Variants in MIGA1 observed in about 807,000 individuals in gnomAD.
The protein encoded by MIGA1 is family with sequence similarity 73, member A.
Under a neutral mutation model 82.0 loss-of-function variants are expected in MIGA1, and 58 were observed. The observed-to-expected ratio is 0.71, with a 90% CI of 0.57 to 0.88. The LOEUF (loss-of-function observed/expected upper bound fraction) is 0.88. Among genes scored for constraint, MIGA1 ranks in the 40% least tolerant of loss-of-function variants. MIGA1 has a pLI of 0.00. For synonymous variants in MIGA1, 249 were observed against 253.6 expected (o/e 0.98, Z 0.17); for missense variants, 751 against 749.1 (o/e 1.00, Z -0.03).
chr1:77,787,824 T>C (rs1212991872), intron 2 of MIGA1, among the ~76,000 whole-genome samples: 5 of 151,080 alleles, frequency 3.3e-5, no homozygotes, highest in Non-Finnish European at 5.9e-5. Context: ...TTTTCTTTTT[T>C]TTTTTTTTTG....
At chr1:77,782,943 A>T in intron 1 of MIGA1, 1 of 871,678 alleles carries the variant, frequency 1.1e-6, no homozygotes, top group Non-Finnish European at 1.4e-6. Context: ...GAAAAGAGAG[A>T]ATCTAGAACT....
rs1476152553 is a variant in MIGA1, at chr1:77,877,091, G to C, written c.*2027G>C. 1 of 152,120 alleles carries C rather than the reference G, an allele frequency of 6.6e-6. No individual in the cohort carries two copies. Among genetic ancestry groups the C allele is most frequent in the Non-Finnish European group, 1.5e-5 (1 of 68,024 alleles). 9.4% of individuals were successfully genotyped at this position (152,120 alleles called of 1,614,324 possible). A position where few individuals can be genotyped will look rare whatever the true frequency, so the allele number is the denominator to read the frequency against. On this transcript the variant is annotated 3_prime_UTR_variant, in exon 16 of 16. Transcript: ENST00000370791. Reference sequence around the variant, plus strand: ...GTGCTATCATACATAGCTCACTGCAGTCTCCAACTCCTCATACCAGAGGCA... The same window carrying C: ...GTGCTATCATACATAGCTCACTGCACTCTCCAACTCCTCATACCAGAGGCA...
At chr1:77,848,994 TA>T (rs2101904952) in intron 8 of MIGA1, among the ~76,000 whole-genome samples, 1 of 152,326 alleles carries the variant, frequency 6.6e-6, no homozygotes, top group South Asian at 2.1e-4. Context: ...TGGCTGAATT[TA>T]TATAGAGTAT....
intron 5 of MIGA1, among the ~76,000 whole-genome samples, chr1:77,813,013 C>T (rs1191845778): frequency 1.3e-5 from 2 of 152,110 alleles, no homozygotes; most frequent in Non-Finnish European, 2.9e-5. Context: ...CAGAGTCTTG[C>T]TCTGTCACCT....
chr1:77,828,732 G>T (rs926504373), intron 7 of MIGA1, among the ~76,000 whole-genome samples: 1 of 152,170 alleles, frequency 6.6e-6, no homozygotes, highest in Admixed American at 6.5e-5. Flanking sequence ...GAGTGCAGTG[G>T]TGTGACCATA....
chr1:77,841,476 A>G (rs1183858064), intron 7 of MIGA1, among the ~76,000 whole-genome samples: 2 of 150,458 alleles, frequency 1.3e-5, no homozygotes, highest in African/African-American at 2.4e-5. Context: ...GGAATTCTAT[A>G]CTAGGAATTA....
chr1:77,868,774 T>G lies in MIGA1; in HGVS notation c.1563+2383T>G, dbSNP rs561813429. 3 of 152,336 alleles carry G rather than the reference T, an allele frequency of 2.0e-5. No homozygotes were observed. The East Asian group carries it at 5.8e-4, about 29-fold the overall frequency. 9.4% of individuals were successfully genotyped at this position (152,336 alleles called of 1,614,324 possible). On this transcript the variant is annotated intron_variant, in intron 14 of 15. Transcript: ENST00000370791. ...TTTACTATATGTAGAACATACTTTT[T>G]GGCCCTCACTAACTAGCTGTGTGTG...
intron 13 of MIGA1, 102 bp downstream of exon 13, chr1:77,864,130 G>A: frequency 8.1e-7 from 1 of 1,235,528 alleles, no homozygotes; most frequent in Non-Finnish European, 1.1e-6. Flanking sequence ...GGAGGCCAAG[G>A]CAGGCGGATC....
At chr1:77,785,715 C>G (rs2101687207) in intron 2 of MIGA1, among the ~76,000 whole-genome samples, 1 of 152,326 alleles carries the variant, frequency 6.6e-6, no homozygotes, top group East Asian at 1.9e-4. Flanking sequence ...CATGCTGATG[C>G]AAGAGGTGGG....
In MIGA1 at chr1:77,878,955, C is replaced by T. The variant is rs1468929242; in HGVS notation, c.*3891C>T. The T allele has an allele frequency of 9.5e-6, 3 of 314,186 alleles. No individual in the cohort carries two copies. Among genetic ancestry groups the T allele is most frequent in the Non-Finnish European group, 1.7e-5 (3 of 172,378 alleles). The allele number at this position is 314,186 out of a possible 1,614,324, so 19.5% of individuals were successfully genotyped here. A position where few individuals can be genotyped will look rare whatever the true frequency, so the allele number is the denominator to read the frequency against. On this transcript the variant is annotated 3_prime_UTR_variant, in exon 16 of 16. Transcript: ENST00000370791. ...AAAATATTTACAAATGTTTTCTTGC[C>T]TTAAAATGTAACATTTTCTACTTAA...
intron 8 of MIGA1, among the ~76,000 whole-genome samples, chr1:77,849,459 G>A (rs931610079): frequency 8.5e-5 from 13 of 152,160 alleles, no homozygotes; most frequent in African/African-American, 2.6e-4. Context: ...TGTTGCACGA[G>A]CTGTTTGTTT....
chr1:77,779,802 C>A, intron 1 of MIGA1, 66 bp downstream of exon 1: 4 of 1,496,866 alleles, frequency 2.7e-6, no homozygotes, highest in East Asian at 2.5e-5. Flanking sequence ...TGAGCGGCCA[C>A]GCAGTTGGGG....
chr1:77,804,802 G>C (rs1027065627), intron 4 of MIGA1, among the ~76,000 whole-genome samples: 2 of 151,074 alleles, frequency 1.3e-5, no homozygotes, highest in African/African-American at 4.9e-5. Context: ...GGTAGTTTTT[G>C]TGTTTTTAGT....
intron 8 of MIGA1, among the ~76,000 whole-genome samples, chr1:77,846,445 A>G (rs913428192): frequency 1.3e-5 from 2 of 151,988 alleles, no homozygotes; most frequent in African/African-American, 4.8e-5. Context: ...GCAATTGTGT[A>G]TATGTATTTA....
chr1:77,869,810 G>A (rs1451624359), intron 14 of MIGA1, among the ~76,000 whole-genome samples: 4 of 110,390 alleles, frequency 3.6e-5, no homozygotes, highest in South Asian at 6.8e-4. Context: ...CAGTAGGGGC[G>A]GCCGGGCAGA....
chr1:77,818,338 G>T (rs184669136), intron 7 of MIGA1, among the ~76,000 whole-genome samples: 1 of 151,994 alleles, frequency 6.6e-6, no homozygotes, highest in Non-Finnish European at 1.5e-5. Context: ...GGTCAGGCTG[G>T]TCTCGAACTC....
At chr1:77,874,600 A>T (rs1235526416) in intron 15 of MIGA1, among the ~76,000 whole-genome samples, 1 of 151,932 alleles carries the variant, frequency 6.6e-6, no homozygotes, top group African/African-American at 2.4e-5. Flanking sequence ...TTTTTTGATC[A>T]TCATGTCATC....
chr1:77,813,849 T>G lies in MIGA1; in HGVS notation c.753T>G (p.Ile251Met). The G allele has an allele frequency of 6.2e-7, 1 of 1,614,176 alleles. No individual in the cohort carries two copies. Residue 251 changes from isoleucine (I) to methionine (M), a missense_variant, in exon 6 of 16, where the codon ATT (isoleucine) becomes ATG (methionine). Ile to Met is a conservative substitution (Grantham distance 10). This residue lies in a region of MIGA1 where 482 missense variants were observed against 439.4 expected (regional missense o/e 1.10). Transcript: ENST00000370791. ...TTAAACTGGGTGCAGGAGATGCCAT[T>G]GCTGAAGAAAATGTAGATGTAAGGG...
intron 5 of MIGA1, among the ~76,000 whole-genome samples, chr1:77,809,437 A>G (rs920715009): frequency 1.3e-5 from 2 of 152,100 alleles, no homozygotes; most frequent in African/African-American, 4.8e-5. Flanking sequence ...CTCTGCTGTA[A>G]AATAATTCTT....
Sources: allele counts gnomAD v4.1 joint callset (sites outside exome capture counted in the v4.1 genomes callset), GRCh38; gene constraint gnomAD v4.1.1; regional missense constraint gnomAD v4.1.1; transcripts MANE v1.5; gene names NCBI Gene and HGNC (gene_info 2026-07-23, HGNC 2026-07-21).